Variants in GPM6B observed in about 807,000 individuals in gnomAD.
GPM6B encodes the protein glycoprotein M6B.
Under a neutral mutation model 27.2 loss-of-function variants are expected in GPM6B, and 4 were observed. That is an observed-to-expected ratio of 0.15 (90% CI 0.07 to 0.34). GPM6B has a LOEUF of 0.34. Among genes scored for constraint, GPM6B ranks in the 10% least tolerant of loss-of-function variants. The pLI is 1.00. For missense variants in GPM6B, 183 were observed against 261.9 expected (o/e 0.70, Z 2.08); for synonymous variants, 124 against 103.1 (o/e 1.20, Z -1.23).
intron 1 of GPM6B, among the ~76,000 whole-genome samples, chrX:13,866,272 A>G (rs2049917226): frequency 8.9e-6 from 1 of 112,463 alleles, no homozygotes; most frequent in Non-Finnish European, 1.9e-5. Context: ...CTGAGGCAGG[A>G]GAATCACTTG....
intron 2 of GPM6B, among the ~76,000 whole-genome samples, chrX:13,801,533 G>C (rs932803057): frequency 4.5e-5 from 5 of 112,229 alleles, no homozygotes; most frequent in Non-Finnish European, 9.4e-5. Context: ...TTTTGGCTTT[G>C]CAGGGTGTAT....
At chrX:13,836,790 G>A (rs1395731800) in intron 1 of GPM6B, among the ~76,000 whole-genome samples, 1 of 112,309 alleles carries the variant, frequency 8.9e-6, no homozygotes, top group Non-Finnish European at 1.9e-5. Flanking sequence ...TGACTCATGC[G>A]AAATTTCAAT....
chrX:13,892,568 T>G (rs139768872), intron 1 of GPM6B, among the ~76,000 whole-genome samples: 1,614 of 111,730 alleles, frequency 0.014, 27 homozygotes, highest in African/African-American at 0.05. Flanking sequence ...ATCTGTTTTT[T>G]GTTTTGTTTT....
rs142965880 is a variant in GPM6B, at chrX:13,791,232, A to G, written c.182-5424T>C. On this transcript the variant is annotated intron_variant, in intron 2 of 7. Coordinates refer to ENST00000316715, the MANE Select transcript of GPM6B (RefSeq NM_001001995.3). ...TTTTTTTTTTTCTTTCTTTCCTGAG[A>G]AAGAGTCTCACTCTATTGCCCAGGC... 8.2e-3 allele frequency among the ~76,000 whole-genome samples: 904 copies of G among 110,002 alleles called. 7 individuals carry two copies. Among genetic ancestry groups the G allele is most frequent in the Non-Finnish European group, 0.014 (736 of 52,610 alleles).
intron 2 of GPM6B, among the ~76,000 whole-genome samples, chrX:13,787,919 A>ATACAACTTTGT (rs2048643750): frequency 8.9e-6 from 1 of 112,470 alleles, no homozygotes; most frequent in African/African-American, 3.2e-5. Flanking sequence ...TTCTTAAAGG[A>ATACAACTTTGT]TAAAGATGTG....
intron 1 of GPM6B, among the ~76,000 whole-genome samples, chrX:13,843,484 G>A (rs933459036): frequency 7.1e-5 from 8 of 111,946 alleles, no homozygotes. Context: ...TGGGTCATAT[G>A]GTAATCCTAT....
At chrX:13,924,587 C>T (rs1281543107) in intron 1 of GPM6B, among the ~76,000 whole-genome samples, 1 of 112,121 alleles carries the variant, frequency 8.9e-6, no homozygotes, top group African/African-American at 3.2e-5. Context: ...AGGAATGAGC[C>T]TCCATGCCCG....
intron 1 of GPM6B, among the ~76,000 whole-genome samples, chrX:13,927,055 A>T (rs1331171489): frequency 3.6e-5 from 4 of 111,902 alleles, no homozygotes; most frequent in African/African-American, 1.3e-4. Context: ...AGAAGGCATA[A>T]AGAACTACTA....
intron 1 of GPM6B, among the ~76,000 whole-genome samples, chrX:13,861,097 C>T (rs2049845167): frequency 9.4e-6 from 1 of 106,407 alleles, no homozygotes; most frequent in African/African-American, 3.5e-5. Flanking sequence ...CATATATACA[C>T]ATACATATAC....
At chrX:13,789,486 G>A (rs1569198796) in intron 2 of GPM6B, among the ~76,000 whole-genome samples, 1 of 112,178 alleles carries the variant, frequency 8.9e-6, no homozygotes, top group African/African-American at 3.2e-5. Context: ...AAAATCATGG[G>A]AAGCCTTGAC....
chrX:13,850,839 T>G (rs1229205524), intron 1 of GPM6B, among the ~76,000 whole-genome samples: 1 of 111,662 alleles, frequency 9.0e-6, no homozygotes, highest in African/African-American at 3.3e-5. Context: ...ACCAATAAAT[T>G]AAAACTATAT....
At chrX:13,851,636 TG>T (rs1364225878) in intron 1 of GPM6B, among the ~76,000 whole-genome samples, 24 of 56,730 alleles carry the variant, frequency 4.2e-4, no homozygotes, top group African/African-American at 7.6e-4. Context: ...AGGCATGCAA[TG>T]AAAAAAAAAA....
chrX:13,931,295 A>AGGAGATCAAGACCACCCT (rs1569314292), intron 1 of GPM6B, among the ~76,000 whole-genome samples: 1 of 110,924 alleles, frequency 9.0e-6, no homozygotes. Flanking sequence ...TCACAAGGTC[A>AGGAGATCAAGACCACCCT]GGCTATCATG....
chrX:13,863,821 AAAT>A (rs1301883811), intron 1 of GPM6B, among the ~76,000 whole-genome samples: 1 of 112,574 alleles, frequency 8.9e-6, no homozygotes, highest in African/African-American at 3.2e-5. Context: ...AACAACAAAG[AAAT>A]AATTTCTTTT....
chrX:13,931,422 A>G (rs1034626400), intron 1 of GPM6B, among the ~76,000 whole-genome samples: 19 of 109,737 alleles, frequency 1.7e-4, no homozygotes, highest in Non-Finnish European at 2.5e-4. Flanking sequence ...CAGGAGGCAG[A>G]GCTTGCAGTG....
At chrX:13,853,677 C>G in intron 1 of GPM6B, among the ~76,000 whole-genome samples, 1 of 109,081 alleles carries the variant, frequency 9.2e-6, no homozygotes, top group Non-Finnish European at 1.9e-5. Flanking sequence ...CTCTCTCTTC[C>G]CAGGAGATAT....
intron 1 of GPM6B, among the ~76,000 whole-genome samples, chrX:13,856,762 C>T (rs1030870722): frequency 2.9e-5 from 3 of 104,785 alleles, no homozygotes; most frequent in Non-Finnish European, 3.9e-5. Flanking sequence ...TGCAGAGGTG[C>T]GATCATAGCT....
chrX:13,810,174 T>G (rs150276280), intron 1 of GPM6B, among the ~76,000 whole-genome samples: 1 of 111,107 alleles, frequency 9.0e-6, no homozygotes, highest in African/African-American at 3.3e-5. Context: ...GCTTTACTGT[T>G]CAGGAGATTC....
chrX:13,808,715 G>A lies in GPM6B; in HGVS notation c.62-946C>T, dbSNP rs188297328. Among the ~76,000 whole-genome samples, 179 of 111,249 alleles carry A rather than the reference G, an allele frequency of 1.6e-3. 1 individual carries two copies. The highest frequency in any genetic ancestry group is 5.3e-3 in the African/African-American group (163 of 30,582). The stretch of plus-strand genomic sequence containing the variant: ...ATTGATGTGGGTAATGATTCCATCA[G>A]AAGATCAGGTCATAATGCACCATCT... On this transcript the variant is annotated intron_variant, in intron 1 of 7. Transcript: ENST00000316715.
Sources: gnomAD v4.1 joint callset for allele counts (sites outside exome capture counted in the v4.1 genomes callset) on GRCh38, gnomAD v4.1.1 for gene constraint, MANE v1.5 for transcripts, NCBI Gene and HGNC (gene_info 2026-07-23, HGNC 2026-07-21) for gene names.